The following CNTN1 variants were observed in gnomAD, a reference collection of about 807,000 sequenced individuals.
The protein encoded by CNTN1 is contactin 1, also known as contactin-1.
CNTN1 carries 38 observed loss-of-function variants against 126.4 expected under a neutral mutation model. The observed-to-expected ratio is 0.30, with a 90% CI of 0.23 to 0.39. The LOEUF is 0.39. Ranked by LOEUF, CNTN1 falls within the 10% of genes least tolerant of loss-of-function variation. The probability of loss-of-function intolerance (pLI) is 1.00; values close to 1 mark genes in which losing one functional copy is unlikely to be tolerated. For synonymous variants in CNTN1, 413 were observed against 422.6 expected, an observed-to-expected ratio of 0.98 and a Z score of 0.28; for missense variants, 1,009 against 1,248.4, an observed-to-expected ratio of 0.81 and a Z score of 2.89.
At chr12:40,871,479 T>G (rs1476895881) in intron 1 of CNTN1, among the ~76,000 whole-genome samples, 1 of 151,900 alleles carries the variant, frequency 6.6e-6, no homozygotes, top group East Asian at 1.9e-4. Context: ...TGGGGCAAAG[T>G]GGTTGGATTT....
At chr12:40,727,990 T>C (rs1942401456) in intron 1 of CNTN1, among the ~76,000 whole-genome samples, 1 of 152,176 alleles carries the variant, frequency 6.6e-6, no homozygotes, top group African/African-American at 2.4e-5. Context: ...TGGTGTGTCA[T>C]GCCCAGAGTA....
At chr12:40,721,442 C>T (rs987749670) in intron 1 of CNTN1, among the ~76,000 whole-genome samples, 2 of 151,846 alleles carry the variant, frequency 1.3e-5, no homozygotes, top group Admixed American at 6.6e-5. Context: ...AGAGAAATGC[C>T]AAAGAAAAAT....
chr12:41,050,949 C>T (rs966158049), intron 23 of CNTN1, among the ~76,000 whole-genome samples: 2 of 151,998 alleles, frequency 1.3e-5, no homozygotes, highest in African/African-American at 4.8e-5. Context: ...AGATCCAAAA[C>T]TATTATGAGA....
intron 1 of CNTN1, among the ~76,000 whole-genome samples, chr12:40,808,442 T>G (rs1940941672): frequency 6.6e-6 from 1 of 152,288 alleles, no homozygotes; most frequent in Middle Eastern, 3.4e-3. Flanking sequence ...TGGGAAGAAG[T>G]ACTCAATAGC....
chr12:40,962,935 A>G (rs950423450), intron 15 of CNTN1, among the ~76,000 whole-genome samples: 1 of 152,104 alleles, frequency 6.6e-6, no homozygotes, highest in Non-Finnish European at 1.5e-5. Flanking sequence ...TTTTTGCAAG[A>G]GTAACATTTC....
At chr12:41,066,375 A>T (rs997168592) in intron 23 of CNTN1, among the ~76,000 whole-genome samples, 5 of 152,178 alleles carry the variant, frequency 3.3e-5, no homozygotes, top group Admixed American at 3.3e-4. Context: ...TCCTCTAACC[A>T]TCTTCTTCCT....
At chr12:40,962,076 A>T (rs1375758542) in intron 15 of CNTN1, among the ~76,000 whole-genome samples, 5 of 152,126 alleles carry the variant, frequency 3.3e-5, no homozygotes, top group Admixed American at 1.3e-4. Flanking sequence ...ATCGCTAAAA[A>T]ATTTTTTATA....
chr12:40,846,722 CTCTT>C (rs1942517297), intron 1 of CNTN1, among the ~76,000 whole-genome samples: 1 of 151,970 alleles, frequency 6.6e-6, no homozygotes, highest in African/African-American at 2.4e-5. Context: ...GGCAGAGTCT[CTCTT>C]TGTCACCCAG....
At position 40,871,247 on chromosome 12, in the gene CNTN1, G is replaced by A. The variant is rs1487963255; in HGVS notation, c.-76-37110G>A. Among the ~76,000 whole-genome samples the A allele has an allele frequency of 2.0e-5, 3 of 151,108 alleles. No homozygotes were observed. The East Asian group carries it at 5.8e-4, about 29-fold the overall frequency. On this transcript the variant is annotated intron_variant, in intron 1 of 23. Coordinates refer to ENST00000551295, the MANE Select transcript of CNTN1 (RefSeq NM_001843.4). ...AGCAGCTAGAGGATGATAAACACAG[G>A]GTATGGTATTCTGTGCTATGTTCAG...
At chr12:40,941,275 A>G (rs925753418) in intron 12 of CNTN1, among the ~76,000 whole-genome samples, 6 of 152,178 alleles carry the variant, frequency 3.9e-5, no homozygotes, top group Non-Finnish European at 7.4e-5. Context: ...ACTATTTAAT[A>G]GTAGATATAG....
intron 15 of CNTN1, among the ~76,000 whole-genome samples, chr12:40,973,164 T>C (rs1411984406): frequency 6.6e-6 from 1 of 152,110 alleles, no homozygotes; most frequent in South Asian, 2.1e-4. Context: ...GGGATCTAAA[T>C]TTACCTTTAT....
intron 1 of CNTN1, among the ~76,000 whole-genome samples, chr12:40,703,749 G>T (rs1295186785): frequency 2.6e-5 from 4 of 151,584 alleles, no homozygotes; most frequent in Non-Finnish European, 4.4e-5. Flanking sequence ...GGAAAGAAGT[G>T]ACGTGAATAA....
intron 19 of CNTN1, among the ~76,000 whole-genome samples, chr12:41,019,127 G>A (rs543516106): frequency 6.6e-6 from 1 of 152,240 alleles, no homozygotes; most frequent in South Asian, 2.1e-4. Context: ...TTGCACTCCA[G>A]CCTGGGCAAC....
intron 1 of CNTN1, among the ~76,000 whole-genome samples, chr12:40,870,848 G>A (rs12313239): frequency 0.049 from 7,484 of 152,124 alleles, 406 homozygotes; most frequent in African/African-American, 0.14. Context: ...TGGTCTGAGT[G>A]GAAAGACTAA....
chr12:40,733,857 C>G (rs1942556840), intron 1 of CNTN1, among the ~76,000 whole-genome samples: 1 of 152,004 alleles, frequency 6.6e-6, no homozygotes, highest in African/African-American at 2.4e-5. Context: ...TTGATTGCAG[C>G]TCCAGCAGTT....
At chr12:41,057,894 A>G (rs1949860514) in intron 23 of CNTN1, among the ~76,000 whole-genome samples, 1 of 152,152 alleles carries the variant, frequency 6.6e-6, no homozygotes, top group African/African-American at 2.4e-5. Flanking sequence ...AGATCAAATC[A>G]GTTGGACTTG....
intron 14 of CNTN1, among the ~76,000 whole-genome samples, chr12:40,950,864 T>G (rs1340563802): frequency 2.0e-5 from 3 of 152,044 alleles, no homozygotes; most frequent in African/African-American, 7.2e-5. Context: ...GCCTAACTTC[T>G]CATAGTCCTT....
intron 17 of CNTN1, among the ~76,000 whole-genome samples, chr12:41,008,094 A>G (rs1344402821): frequency 6.6e-6 from 1 of 152,098 alleles, no homozygotes; most frequent in African/African-American, 2.4e-5. Context: ...ACTTCCTCCT[A>G]TAAAGGGGCA....
chr12:40,817,931 G>C (rs12146736), intron 1 of CNTN1, among the ~76,000 whole-genome samples: 1 of 152,064 alleles, frequency 6.6e-6, no homozygotes, highest in African/African-American at 2.4e-5. Context: ...CTGAAGCTTA[G>C]TTTGGCTGGA....
Sources: gnomAD v4.1 joint callset for allele counts (sites outside exome capture counted in the v4.1 genomes callset) on GRCh38, gnomAD v4.1.1 for gene constraint, MANE v1.5 for transcripts, NCBI Gene and HGNC (gene_info 2026-07-23, HGNC 2026-07-21) for gene names.